The following NPEPPS variants were observed in gnomAD, a reference collection of about 807,000 sequenced individuals.
NPEPPS encodes puromycin-sensitive aminopeptidase.
NPEPPS carries 14 observed loss-of-function variants against 115.5 expected under a neutral mutation model. That is an observed-to-expected ratio of 0.12 (90% CI 0.08 to 0.19). The LOEUF (loss-of-function observed/expected upper bound fraction) is 0.19, where lower values mean the gene tolerates loss of function less well. Among genes scored for constraint, NPEPPS ranks in the 10% least tolerant of loss-of-function variants. The probability of loss-of-function intolerance (pLI) is 1.00; values close to 1 mark genes in which losing one functional copy is unlikely to be tolerated. For missense variants in NPEPPS, 523 were observed against 1,110.8 expected, an observed-to-expected ratio of 0.47 and a Z score of 7.52; for synonymous variants, 285 against 390.6, an observed-to-expected ratio of 0.73 and a Z score of 3.19.
intron 2 of NPEPPS, among the ~76,000 whole-genome samples, chr17:47,550,631 A>T (rs1218719852): frequency 7.6e-6 from 1 of 131,530 alleles, no homozygotes; most frequent in African/African-American, 2.8e-5. Context: ...TATATATATA[A>T]TTTTTTTTTT....
At position 47,621,953 on chromosome 17, in the gene NPEPPS, C is replaced by T; in HGVS notation, c.*33C>T. 6.3e-7 allele frequency: 1 copy of T among 1,581,524 alleles called. No individual in the cohort carries two copies. The highest frequency in any genetic ancestry group is 8.6e-7 in the Non-Finnish European group (1 of 1,161,380). On this transcript the variant is annotated 3_prime_UTR_variant, in exon 23 of 23. Coordinates refer to ENST00000322157, the MANE Select transcript of NPEPPS (RefSeq NM_006310.4). ...GGTGCCGCCATTGGCGGTTCTGCTG[C>T]TTCGCTGCAGGGATAAGGTGGAGCT...
At chr17:47,546,966 T>G (rs1307628140) in intron 2 of NPEPPS, among the ~76,000 whole-genome samples, 1 of 152,220 alleles carries the variant, frequency 6.6e-6, no homozygotes, top group African/African-American at 2.4e-5. Context: ...ATTAAGTACT[T>G]TGAACATGAA....
chr17:47,604,250 C>T (rs1232526470), intron 16 of NPEPPS: 1 of 412,204 alleles, frequency 2.4e-6, no homozygotes, highest in East Asian at 3.7e-5. Flanking sequence ...ACTCCTAAGC[C>T]AGCTTTCTGA....
intron 2 of NPEPPS, among the ~76,000 whole-genome samples, chr17:47,554,440 C>T (rs1909867322): frequency 6.6e-6 from 1 of 152,060 alleles, no homozygotes; most frequent in Admixed American, 6.6e-5. Context: ...TATCTCACTG[C>T]AGCCTCAAAC....
At chr17:47,594,042 C>T (rs934233112) in intron 12 of NPEPPS, among the ~76,000 whole-genome samples, 1 of 152,094 alleles carries the variant, frequency 6.6e-6, no homozygotes, top group African/African-American at 2.4e-5. Context: ...GTAGTCCCAG[C>T]TACTTGGGAG....
Position 47,616,784 on chromosome 17 carries a change from C to CA in NPEPPS, c.2296-1550dup, listed in dbSNP as rs567081295. Among the ~76,000 whole-genome samples the CA allele has an allele frequency of 8.9e-3, 758 of 85,312 alleles. 4 individuals carry two copies. The highest frequency in any genetic ancestry group is 0.013 in the Middle Eastern group (2 of 152). 56.0% of individuals were successfully genotyped at this position (85,312 alleles called of 152,430 possible). On this transcript the variant is annotated intron_variant, in intron 19 of 22. Transcript: ENST00000322157. ...TGGGCAACAGAGCGAGACTCCATCT[C>CA]AAAAAAAAAAAAAAAAGAGACCAGC...
chr17:47,567,178 A>G (rs2611899), intron 2 of NPEPPS, among the ~76,000 whole-genome samples: 1 of 152,244 alleles, frequency 6.6e-6, no homozygotes, highest in Non-Finnish European at 1.5e-5. Context: ...AGTCTAGCTA[A>G]TTAACATTTG....
intron 18 of NPEPPS, among the ~76,000 whole-genome samples, chr17:47,612,833 T>G (rs1289263667): frequency 6.6e-6 from 1 of 152,136 alleles, no homozygotes; most frequent in East Asian, 1.9e-4. Flanking sequence ...CAGCTAATTT[T>G]TGTATTTTCA....
intron 2 of NPEPPS, among the ~76,000 whole-genome samples, chr17:47,555,671 G>A (rs1909956977): frequency 6.6e-6 from 1 of 151,838 alleles, no homozygotes; most frequent in Non-Finnish European, 1.5e-5. Context: ...TAAGTGTGAA[G>A]CTGGAAGAGT....
Position 47,538,202 on chromosome 17 carries a change from CTTTTTTTTTTTTTTTT to C in NPEPPS, c.255+6655_255+6670del, listed in dbSNP as rs543559258. Among the ~76,000 whole-genome samples the C allele has an allele frequency of 8.5e-5, 5 of 58,492 alleles. 1 individual carries two copies. Among genetic ancestry groups the C allele is most frequent in the African/African-American group, 1.7e-4 (3 of 17,652 alleles). 38.4% of individuals were successfully genotyped at this position (58,492 alleles called of 152,430 possible). ...GCCACCGCGCCTAGCCATATCTGTT[CTTTTTTTTTTTTTTTT>C]TTTTTTTGAGACAGAGTCTCACTCT... On this transcript the variant is annotated intron_variant, in intron 1 of 22. Coordinates refer to ENST00000322157, the MANE Select transcript of NPEPPS (RefSeq NM_006310.4).
intron 1 of NPEPPS, among the ~76,000 whole-genome samples, chr17:47,532,526 C>T (rs1380953881): frequency 6.6e-6 from 1 of 151,816 alleles, no homozygotes; most frequent in African/African-American, 2.4e-5. Flanking sequence ...TGGTGGCGGG[C>T]CCCTGTAATC....
At chr17:47,573,418 A>C (rs1196466599) in intron 3 of NPEPPS, among the ~76,000 whole-genome samples, 1 of 152,250 alleles carries the variant, frequency 6.6e-6, no homozygotes, top group Non-Finnish European at 1.5e-5. Flanking sequence ...TTGCATGCTT[A>C]ACCCAACTTT....
intron 19 of NPEPPS, among the ~76,000 whole-genome samples, chr17:47,614,177 C>T (rs1914048033): frequency 6.6e-6 from 1 of 152,068 alleles, no homozygotes; most frequent in African/African-American, 2.4e-5. Flanking sequence ...TCACCATGCC[C>T]AGGCTGGTCT....
chr17:47,562,562 G>C (rs1006432825), intron 2 of NPEPPS, among the ~76,000 whole-genome samples: 1 of 151,600 alleles, frequency 6.6e-6, no homozygotes, highest in African/African-American at 2.4e-5. Context: ...TCATTGTAAG[G>C]TTATCATGCT....
chr17:47,525,488 C>A (rs1328775476), intron 1 of NPEPPS, among the ~76,000 whole-genome samples: 1 of 152,122 alleles, frequency 6.6e-6, no homozygotes, highest in Non-Finnish European at 1.5e-5. Context: ...GGATTACAGG[C>A]ATGCAACACC....
At chr17:47,596,097 G>T (rs1912861403) in intron 12 of NPEPPS, 2 of 272,492 alleles carry the variant, frequency 7.3e-6, no homozygotes, top group South Asian at 1.0e-4. Context: ...AGGCTGCAGT[G>T]AGCTGTGATT....
intron 3 of NPEPPS, among the ~76,000 whole-genome samples, chr17:47,578,201 C>CAA (rs1333262458): frequency 1.5e-4 from 13 of 84,346 alleles, no homozygotes; most frequent in African/African-American, 3.7e-4. Context: ...GCCTCTGTCT[C>CAA]AAAAAAAAAA....
At chr17:47,550,861 A>G (rs1909599584) in intron 2 of NPEPPS, among the ~76,000 whole-genome samples, 1 of 151,980 alleles carries the variant, frequency 6.6e-6, no homozygotes, top group Admixed American at 6.6e-5. Flanking sequence ...TCGAGACCTC[A>G]GGTGATCCAC....
chr17:47,545,126 TC>T (rs531913507), intron 1 of NPEPPS, among the ~76,000 whole-genome samples: 54 of 152,254 alleles, frequency 3.5e-4, no homozygotes, highest in Middle Eastern at 3.4e-3. Flanking sequence ...TCCCTCAGCC[TC>T]TCCAGTAGTT....
Sources: gnomAD v4.1 joint callset for allele counts (sites outside exome capture counted in the v4.1 genomes callset) on GRCh38, gnomAD v4.1.1 for gene constraint, MANE v1.5 for transcripts, NCBI Gene and HGNC (gene_info 2026-07-23, HGNC 2026-07-21) for gene names.